AP3D1: variants seen among roughly 807,000 people sequenced by gnomAD.
The protein encoded by AP3D1 is AP-3 complex subunit delta-1.
Under a neutral mutation model 147.6 loss-of-function variants are expected in AP3D1, and 51 were observed. The observed-to-expected ratio is 0.35, with a 90% CI of 0.28 to 0.44. AP3D1 has a LOEUF of 0.44. Among genes scored for constraint, AP3D1 ranks in the 20% least tolerant of loss-of-function variants. AP3D1 has a pLI of 1.00. For synonymous variants in AP3D1, 760 were observed against 663.0 expected (o/e 1.15, Z -2.25); for missense variants, 1,421 against 1,624.2 (o/e 0.87, Z 2.15).
upstream of AP3D1, among the ~76,000 whole-genome samples, chr19:2,154,283 T>C (rs2019627678): frequency 7.5e-6 from 1 of 133,932 alleles, no homozygotes; most frequent in Non-Finnish European, 1.8e-5. Flanking sequence ...TGGTTTTTTT[T>C]TTCTTTTTTT....
intron 1 of AP3D1, among the ~76,000 whole-genome samples, chr19:2,163,483 C>A (rs567623226): frequency 7.2e-6 from 1 of 138,886 alleles, no homozygotes; most frequent in African/African-American, 2.7e-5. Flanking sequence ...TGAATCACCG[C>A]GCCTGGCCTT....
chr19:2,142,688 T>C (rs59769359), intron 1 of AP3D1, among the ~76,000 whole-genome samples: 10,550 of 151,820 alleles, frequency 0.069, 649 homozygotes, highest in East Asian at 0.16. Flanking sequence ...GCCTGGGAGC[T>C]CACCCAGCTC....
At chr19:2,157,943 T>C (rs2019661717) in intron 1 of AP3D1, among the ~76,000 whole-genome samples, 1 of 152,164 alleles carries the variant, frequency 6.6e-6, no homozygotes, top group African/African-American at 2.4e-5. Flanking sequence ...AAATTGAGCT[T>C]GATGGGTTGA....
intron 15 of AP3D1, 149 bp downstream of exon 15, chr19:2,118,452 C>T (rs1370753039): frequency 2.2e-5 from 18 of 807,594 alleles, no homozygotes; most frequent in Non-Finnish European, 3.5e-5. Flanking sequence ...TGACTAACCC[C>T]AAACCCCAGC....
rs2018344668 is a variant in AP3D1, at chr19:2,113,382, G to A, written c.2633C>T (p.Thr878Ile). The change falls in exon 23 of 32, where the codon ACC (threonine) becomes ATC (isoleucine). Residue 878 changes from threonine (T) to isoleucine (I), a missense_variant. Around this residue, in one of 6 missense-constraint regions of AP3D1, gnomAD observed 791 missense variants for 761.4 expected, o/e 1.04. Transcript: ENST00000643116. ...GGCGGGGGCGGGGGCAGGCGGTGGG[G>A]TGGTAGACAGCCAGAAGTCCAGGTC... ...AEDLDFWLSTTPPPAPAPAPA... is the reference protein window; with the variant it reads ...AEDLDFWLSTIPPPAPAPAPA... 1.4e-6 allele frequency: 2 copies of A among 1,471,384 alleles called. No individual in the cohort carries two copies. Among genetic ancestry groups the A allele is most frequent in the Non-Finnish European group, 9.0e-7 (1 of 1,115,168 alleles). 91.1% of individuals were successfully genotyped at this position (1,471,384 alleles called of 1,614,324 possible).
chr19:2,111,157 CT>C (rs1200378025), intron 26 of AP3D1, 127 bp downstream of exon 26: 3 of 1,251,336 alleles, frequency 2.4e-6, no homozygotes, highest in Non-Finnish European at 2.3e-6. Context: ...AGCAACGCCC[CT>C]GCCAGGAATC....
At chr19:2,131,888 G>A (rs1210371208) in intron 5 of AP3D1, among the ~76,000 whole-genome samples, 2 of 152,300 alleles carry the variant, frequency 1.3e-5, no homozygotes, top group Admixed American at 1.3e-4. Context: ...GGGCGGACAG[G>A]CAGCCATGTG....
intron 25 of AP3D1, 145 bp downstream of exon 25, chr19:2,111,534 C>T (rs2018276508): frequency 1.6e-6 from 2 of 1,270,200 alleles, no homozygotes. Flanking sequence ...GGCTGCGGGC[C>T]AGGGCCAGTC....
chr19:2,125,672 G>A (rs777861418), intron 9 of AP3D1, among the ~76,000 whole-genome samples: 22 of 152,072 alleles, frequency 1.4e-4, no homozygotes, highest in Non-Finnish European at 3.1e-4. Flanking sequence ...CTTAAAATAG[G>A]TGTATAGATT....
rs781547496 is a variant in AP3D1 at position 2,110,235 on chromosome 19, C to T, written c.3176-11G>A. 1.2e-4 allele frequency: 187 copies of T among 1,610,190 alleles called. No individual in the cohort carries two copies. Among genetic ancestry groups the T allele is most frequent in the South Asian group, 7.7e-5 (7 of 90,984 alleles). On this transcript the variant is annotated splice_polypyrimidine_tract_variant and intron_variant, in intron 27 of 31. Transcript: ENST00000643116. ...CTTCGTTGGAGACGCCTGGCGGGGG[C>T]GAGAGGGAGTGGGGCCTGAGACGCT... is the stretch of plus-strand genomic sequence containing the variant.
At chr19:2,163,996 CAA>C (rs1364694267) in intron 1 of AP3D1, among the ~76,000 whole-genome samples, 1 of 149,620 alleles carries the variant, frequency 6.7e-6, no homozygotes, top group African/African-American at 2.4e-5. Flanking sequence ...CCTGTGACTA[CAA>C]AGAGGGAGTC....
intron 1 of AP3D1, among the ~76,000 whole-genome samples, chr19:2,144,867 C>T (rs2019316291): frequency 6.6e-6 from 1 of 152,156 alleles, no homozygotes; most frequent in South Asian, 2.1e-4. Context: ...CGCACCACTG[C>T]ACTCCAGCCT....
intron 14 of AP3D1, 47 bp from the exon 15 acceptor site, chr19:2,118,879 C>T (rs1395760097): frequency 6.4e-7 from 1 of 1,559,752 alleles, no homozygotes. Flanking sequence ...AATCCCGGGG[C>T]TCCTCTCTAG....
chr19:2,132,949 C>A (rs1053999548), intron 4 of AP3D1, among the ~76,000 whole-genome samples: 1 of 152,184 alleles, frequency 6.6e-6, no homozygotes, highest in Non-Finnish European at 1.5e-5. Context: ...GGCTGAAGCA[C>A]TCTGCGTGGG....
rs977998721 is a variant in AP3D1, at chr19:2,114,357, C to A, written c.2424-55G>T. The A allele has an allele frequency of 6.9e-6, 10 of 1,446,094 alleles. No homozygotes were observed. In the Admixed American group the frequency reaches 1.9e-4, roughly 27 times the overall value. The allele number at this position is 1,446,094 out of a possible 1,614,324, so 89.6% of individuals were successfully genotyped here. A position where few individuals can be genotyped will look rare whatever the true frequency, so the allele number is the denominator to read the frequency against. On this transcript the variant is annotated intron_variant, in intron 21 of 31. Coordinates refer to ENST00000643116, the MANE Select transcript of AP3D1 (RefSeq NM_001261826.3). ...AGCACCACTGGCCACCCCCCAGGAC[C>A]ACTCAGTACATGCCGTGTCCAAGCA... is the stretch of plus-strand genomic sequence containing the variant.
intron 1 of AP3D1, among the ~76,000 whole-genome samples, chr19:2,162,697 A>C (rs888921111): frequency 1.3e-5 from 2 of 151,658 alleles, no homozygotes; most frequent in Non-Finnish European, 2.9e-5. Flanking sequence ...AAAAAACCCC[A>C]AAAAACAGTA....
At chr19:2,163,699 C>T (rs1276891022) in intron 1 of AP3D1, among the ~76,000 whole-genome samples, 3 of 151,948 alleles carry the variant, frequency 2.0e-5, no homozygotes, top group Non-Finnish European at 4.4e-5. Context: ...AGGGTCTCCC[C>T]GGGTCCCCGC....
chr19:2,107,953 C>T (rs1369536646), intron 31 of AP3D1, among the ~76,000 whole-genome samples: 2 of 152,188 alleles, frequency 1.3e-5, no homozygotes, highest in African/African-American at 2.4e-5. Context: ...ACTCACCCAA[C>T]GTGAACGGTA....
chr19:2,149,206 C>G (rs1032882090), intron 1 of AP3D1, among the ~76,000 whole-genome samples: 4 of 152,012 alleles, frequency 2.6e-5, no homozygotes, highest in Non-Finnish European at 5.9e-5. Context: ...ATGGCAGGGC[C>G]AATGAGGAAG....
Sources: allele counts gnomAD v4.1 joint callset (sites outside exome capture counted in the v4.1 genomes callset), GRCh38; gene constraint gnomAD v4.1.1; regional missense constraint gnomAD v4.1.1; transcripts MANE v1.5; gene names NCBI Gene and HGNC (gene_info 2026-07-23, HGNC 2026-07-21).